Variants in PNPT1 observed in about 807,000 individuals in gnomAD.
The protein encoded by PNPT1 is polyribonucleotide nucleotidyltransferase 1, mitochondrial.
In PNPT1, 53 loss-of-function variants were observed where a neutral mutation model predicts 119.5. The ratio of observed to expected loss-of-function variants is 0.44; its 90% CI spans 0.36 to 0.56. The LOEUF (loss-of-function observed/expected upper bound fraction) is 0.56. PNPT1 is among the 20% of genes least tolerant of loss of function. The pLI, the probability that PNPT1 is intolerant of heterozygous loss-of-function variation, is 0.00. For missense variants in PNPT1, 948 were observed against 938.5 expected (o/e 1.01, Z -0.13); for synonymous variants, 357 against 322.1 (o/e 1.11, Z -1.16).
At chr2:55,656,273 A>G in intron 16 of PNPT1, 32 bp downstream of exon 16, 2 of 1,611,488 alleles carry the variant, frequency 1.2e-6, no homozygotes, top group Non-Finnish European at 1.7e-6. Context: ...CTCTGTAAGA[A>G]TACCGTATTA....
At chr2:55,657,197 C>T (rs1217980726) in intron 15 of PNPT1, among the ~76,000 whole-genome samples, 7 of 151,476 alleles carry the variant, frequency 4.6e-5, no homozygotes, top group East Asian at 4.0e-4. Context: ...GGCGTGGTGG[C>T]GCATGCCTGT....
rs182665249 is a variant in PNPT1, at chr2:55,682,129, C to T, written c.454-1211G>A. Among the ~76,000 whole-genome samples the T allele has an allele frequency of 5.5e-5, 8 of 146,098 alleles. No homozygotes were observed. In the East Asian group the frequency reaches 1.7e-3, roughly 30 times the overall value. On this transcript the variant is annotated intron_variant, in intron 5 of 27. Transcript: ENST00000447944. ...CTGTACTCCAGCCTGGTCGACAGAG[C>T]GAGATTCCATCTCAAAAAACAAACA...
At chr2:55,656,095 C>A (rs187939349) in intron 17 of PNPT1, 36 bp downstream of exon 17, 30 of 1,591,444 alleles carry the variant, frequency 1.9e-5, no homozygotes, top group Non-Finnish European at 2.5e-5. Flanking sequence ...GGAATATGGT[C>A]TTTTCTACTA....
Position 55,685,033 on chromosome 2 carries a change from T to C in PNPT1, c.313A>G (p.Lys105Glu). 6.3e-7 allele frequency: 1 copy of C among 1,591,160 alleles called. No individual in the cohort carries two copies. The highest frequency in any genetic ancestry group is 1.1e-5 in the South Asian group (1 of 88,700). ...FMPLVVDYRQ[K>E]AAAAGRIPTN... Reference sequence around the variant, plus strand: ...GGAATTCTACCTGCTGCAGCAGCTTTTTGTCTGTAGTCAACCTGAAGCAGC... The same window carrying C: ...GGAATTCTACCTGCTGCAGCAGCTTCTTGTCTGTAGTCAACCTGAAGCAGC... The change falls in exon 4 of 28, where the codon AAA becomes GAA. Residue 105 changes from lysine (K) to glutamate (E), a missense_variant. Physicochemically the swap from Lys to Glu is moderately conservative, Grantham distance 56 (BLOSUM62 1). Transcript: ENST00000447944.
intron 1 of PNPT1, among the ~76,000 whole-genome samples, chr2:55,689,982 G>A (rs1697540298): frequency 1.3e-5 from 2 of 152,094 alleles, no homozygotes; most frequent in South Asian, 4.2e-4. Flanking sequence ...CCACCATGCT[G>A]GGCTAATTTT....
chr2:55,661,614 C>G (rs1696578760), intron 14 of PNPT1, among the ~76,000 whole-genome samples: 1 of 152,132 alleles, frequency 6.6e-6, no homozygotes, highest in South Asian at 2.1e-4. Flanking sequence ...GCAATGGGAG[C>G]TTTCGTGTAT....
rs189605318 is a variant in PNPT1, at chr2:55,662,063, C to T, written c.1177-37G>A. The T allele has an allele frequency of 7.5e-5, 110 of 1,476,008 alleles. No homozygotes were observed. The East Asian group carries it at 2.6e-3, about 35-fold the overall frequency. 91.4% of individuals were successfully genotyped at this position (1,476,008 alleles called of 1,614,324 possible). The stretch of plus-strand genomic sequence containing the variant: ...AAAGAATTCCTCAGGCTTTAATATA[C>T]TAACCACAAAGATGAAAACTAAAAA... On this transcript the variant is annotated intron_variant, in intron 13 of 27. Coordinates refer to ENST00000447944, the MANE Select transcript of PNPT1 (RefSeq NM_033109.5).
rs34679603 is a variant in PNPT1 at position 55,640,803 on chromosome 2, A to G, written c.2070-98T>C. 269,636 of 812,566 alleles carry G rather than the reference A, an allele frequency of 0.33. 45,106 individuals carry two copies. The highest frequency in any genetic ancestry group is 0.4 in the South Asian group (22,737 of 57,362). 50.3% of individuals were successfully genotyped at this position (812,566 alleles called of 1,614,324 possible). On this transcript the variant is annotated intron_variant, in intron 25 of 27. Transcript: ENST00000447944. ...TTTTCATATGAGGAAAAAGTAAAAA[A>G]CGAAAAGAAACAATTCTAGCACGTT...
intron 18 of PNPT1, among the ~76,000 whole-genome samples, chr2:55,650,785 G>T (rs1214286655): frequency 1.3e-5 from 2 of 150,880 alleles, no homozygotes; most frequent in African/African-American, 2.4e-5. Context: ...GAGCCCCTCC[G>T]CCCGGCAGCC....
intron 11 of PNPT1, among the ~76,000 whole-genome samples, chr2:55,670,598 A>G (rs1254854871): frequency 6.6e-6 from 1 of 152,238 alleles, no homozygotes; most frequent in African/African-American, 2.4e-5. Context: ...ATCAGTTAAC[A>G]TTTATTGAAC....
chr2:55,690,357 AGAAAGATGT>A (rs1378657892), intron 1 of PNPT1, among the ~76,000 whole-genome samples: 1 of 152,112 alleles, frequency 6.6e-6, no homozygotes, highest in Non-Finnish European at 1.5e-5. Context: ...ACAGAGAAAG[AGAAAGATGT>A]TGTGTCACAT....
intron 1 of PNPT1, among the ~76,000 whole-genome samples, chr2:55,690,200 G>A (rs888275218): frequency 6.6e-6 from 1 of 152,194 alleles, no homozygotes; most frequent in African/African-American, 2.4e-5. Flanking sequence ...GAAATAGGCA[G>A]CACTATTAGC....
intron 15 of PNPT1, among the ~76,000 whole-genome samples, chr2:55,658,073 T>TA (rs1238093331): frequency 6.6e-6 from 1 of 151,116 alleles, no homozygotes; most frequent in Admixed American, 6.6e-5. Context: ...CCCCATTTTG[T>TA]AAAAAATCTA....
intron 8 of PNPT1, among the ~76,000 whole-genome samples, chr2:55,677,579 AGAGC>A (rs1468341740): frequency 3.9e-5 from 5 of 127,560 alleles, no homozygotes. Flanking sequence ...CCTGGGCAAC[AGAGC>A]GAGACTATGT....
intron 26 of PNPT1, among the ~76,000 whole-genome samples, chr2:55,640,169 T>G (rs980000580): frequency 6.6e-6 from 1 of 152,200 alleles, no homozygotes; most frequent in Non-Finnish European, 1.5e-5. Context: ...ACTCTTTTTT[T>G]TTTGAGACAA....
At chr2:55,689,213 G>T (rs1314097664) in intron 1 of PNPT1, among the ~76,000 whole-genome samples, 1 of 152,118 alleles carries the variant, frequency 6.6e-6, no homozygotes, top group African/African-American at 2.4e-5. Flanking sequence ...TTAATATCTA[G>T]AATATTTAAA....
intron 2 of PNPT1, 46 bp from the exon 3 acceptor site, chr2:55,686,490 A>G (rs1697409357): frequency 3.4e-6 from 5 of 1,451,180 alleles, no homozygotes; most frequent in Non-Finnish European, 4.8e-6. Flanking sequence ...GAAATCAGAT[A>G]TTAGCATCTA....
rs529323122 is a variant in PNPT1 at position 55,683,733 on chromosome 2, T to G, written c.453+52A>C. On this transcript the variant is annotated intron_variant, in intron 5 of 27. Coordinates refer to ENST00000447944, the MANE Select transcript of PNPT1 (RefSeq NM_033109.5). The stretch of plus-strand genomic sequence containing the variant: ...CTCTAGGAAATATTACAGAGATTCA[T>G]TAAGTAATTTTTGATTGATCTGGCA... The G allele has an allele frequency of 2.7e-6, 4 of 1,478,658 alleles. No individual in the cohort carries two copies. In the African/African-American group the frequency reaches 5.6e-5, roughly 21 times the overall value. The allele number at this position is 1,478,658 out of a possible 1,614,324, so 91.6% of individuals were successfully genotyped here.
Position 55,693,775 on chromosome 2 carries a change from T to A in PNPT1, c.49A>T (p.Ser17Cys). ...CCSCLRLRPL[S>C]DGPFLLPRRD... is the part of the protein sequence containing the mutation. ...CGTGGCAGAAGGAAAGGACCATCGC[T>A]CAGGGGCCGGAGCCGGAGGCACGAG... is the stretch of plus-strand genomic sequence containing the variant. The change falls in exon 1 of 28, where the codon AGC becomes TGC. Residue 17 changes from serine to cysteine, a missense_variant. Physicochemically the swap from Ser to Cys is moderately radical, Grantham distance 112. Coordinates refer to ENST00000447944, the MANE Select transcript of PNPT1 (RefSeq NM_033109.5). The A allele has an allele frequency of 6.2e-7, 1 of 1,614,048 alleles. No homozygotes were observed. The highest frequency in any genetic ancestry group is 1.1e-5 in the South Asian group (1 of 91,086).
Sources: allele counts gnomAD v4.1 joint callset (sites outside exome capture counted in the v4.1 genomes callset), GRCh38; gene constraint gnomAD v4.1.1; transcripts MANE v1.5; gene names NCBI Gene and HGNC (gene_info 2026-07-23, HGNC 2026-07-21).